ARL8B: variants seen among roughly 807,000 people sequenced by gnomAD.
The protein encoded by ARL8B is ADP-ribosylation factor-like protein 8B.
A neutral mutation model predicts 30.6 loss-of-function variants in ARL8B; 9 were observed. The observed-to-expected ratio is 0.29, with a 90% CI of 0.18 to 0.51. The LOEUF is 0.51. ARL8B is among the 20% of genes least tolerant of loss of function. The pLI is 0.97. For missense variants in ARL8B, 130 were observed against 227.2 expected (o/e 0.57, Z 2.75); for synonymous variants, 74 against 76.0 (o/e 0.97, Z 0.14).
At chr3:5,153,216 G>A (rs1307041033) in intron 1 of ARL8B, among the ~76,000 whole-genome samples, 1 of 152,132 alleles carries the variant, frequency 6.6e-6, no homozygotes, top group Non-Finnish European at 1.5e-5. Flanking sequence ...GTAATATACT[G>A]ATAGGACTTG....
chr3:5,170,219 C>T (rs911929726), intron 1 of ARL8B, among the ~76,000 whole-genome samples: 54 of 152,148 alleles, frequency 3.5e-4, no homozygotes, highest in African/African-American at 1.2e-3. Context: ...TAAAAATTTT[C>T]GTATGTATTT....
rs1169791602 is a variant in ARL8B at position 5,180,552 on chromosome 3, A to G, written c.*1839A>G. On this transcript the variant is annotated 3_prime_UTR_variant, in exon 7 of 7. Transcript: ENST00000256496. Reference sequence around the variant, plus strand: ...TAAACCTTAATGTGTTTGTGTGTCTATACATTGCTTTCCGCATTTCAAGAC... The same window carrying G: ...TAAACCTTAATGTGTTTGTGTGTCTGTACATTGCTTTCCGCATTTCAAGAC... 2 of 152,698 alleles carry G rather than the reference A, an allele frequency of 1.3e-5. No individual in the cohort carries two copies. Among genetic ancestry groups the G allele is most frequent in the Non-Finnish European group, 1.5e-5 (1 of 68,042 alleles). The allele number at this position is 152,698 out of a possible 1,614,324, so 9.5% of individuals were successfully genotyped here.
intron 1 of ARL8B, chr3:5,156,980 T>G (rs1490517597): frequency 6.6e-6 from 1 of 152,276 alleles, no homozygotes; most frequent in Non-Finnish European, 1.5e-5. Context: ...TTCAGTTGTT[T>G]TGGATACTTC....
chr3:5,130,179 T>TA (rs759802959), intron 1 of ARL8B, among the ~76,000 whole-genome samples: 8 of 140,196 alleles, frequency 5.7e-5, no homozygotes, highest in African/African-American at 9.0e-5. Context: ...CATATTCTCT[T>TA]AAAAAAAAAT....
intron 2 of ARL8B, 64 bp downstream of exon 2, chr3:5,170,647 T>G: frequency 8.0e-7 from 1 of 1,252,650 alleles, no homozygotes; most frequent in East Asian, 2.5e-5. Context: ...ATTTTTCTGT[T>G]AAATTTCTGT....
At chr3:5,126,928 C>T (rs536276273) in intron 1 of ARL8B, among the ~76,000 whole-genome samples, 1 of 152,062 alleles carries the variant, frequency 6.6e-6, no homozygotes, top group East Asian at 1.9e-4. Context: ...ATAGGATTTG[C>T]CAAAATAATA....
chr3:5,151,529 G>A (rs370623536), intron 1 of ARL8B, among the ~76,000 whole-genome samples: 22 of 152,216 alleles, frequency 1.4e-4, no homozygotes, highest in African/African-American at 5.1e-4. Flanking sequence ...TTCTCATTTA[G>A]TTCAACATGT....
intron 5 of ARL8B, 120 bp from the exon 6 acceptor site, chr3:5,174,224 T>G: frequency 1.9e-6 from 2 of 1,062,552 alleles, no homozygotes; most frequent in Non-Finnish European, 1.4e-6. Context: ...ATCCTAACAT[T>G]TTAGGATTGC....
intron 6 of ARL8B, 146 bp from the exon 7 acceptor site, chr3:5,178,518 G>A: frequency 3.2e-6 from 2 of 624,418 alleles, no homozygotes; most frequent in Non-Finnish European, 2.6e-6. Context: ...TGAAGTTCGG[G>A]TAATGGAGTA....
chr3:5,165,984 C>G lies in ARL8B; in HGVS notation c.124-4519C>G, dbSNP rs113845133. Among the ~76,000 whole-genome samples, 372 of 152,004 alleles carry G rather than the reference C, an allele frequency of 2.4e-3. 1 individual carries two copies. Among genetic ancestry groups the G allele is most frequent in the African/African-American group, 8.6e-3 (356 of 41,462 alleles). On this transcript the variant is annotated intron_variant, in intron 1 of 6. Coordinates refer to ENST00000256496, the MANE Select transcript of ARL8B (RefSeq NM_018184.3). ...CACAGTACATCTCTGGTATATTAACCTGTTTACAAAGAATAGTTGCACCCG... is the reference window on the plus strand; with the variant it reads ...CACAGTACATCTCTGGTATATTAACGTGTTTACAAAGAATAGTTGCACCCG...
intron 1 of ARL8B, among the ~76,000 whole-genome samples, chr3:5,133,939 G>C (rs143998908): frequency 1.8e-4 from 27 of 152,034 alleles, no homozygotes; most frequent in African/African-American, 6.0e-4. Context: ...GGTCTCCCCT[G>C]CACTGCACAG....
intron 1 of ARL8B, among the ~76,000 whole-genome samples, chr3:5,165,689 G>A (rs2054617892): frequency 6.6e-6 from 1 of 152,102 alleles, no homozygotes; most frequent in Non-Finnish European, 1.5e-5. Context: ...TGAGACATTT[G>A]TTAAAGTAGG....
At chr3:5,149,606 A>G (rs2054461423) in intron 1 of ARL8B, among the ~76,000 whole-genome samples, 2 of 152,088 alleles carry the variant, frequency 1.3e-5, no homozygotes, top group South Asian at 4.1e-4. Context: ...TCACCCTTAG[A>G]AGGTTATATC....
chr3:5,167,293 A>G (rs1374307109), intron 1 of ARL8B, among the ~76,000 whole-genome samples: 2 of 152,232 alleles, frequency 1.3e-5, no homozygotes, highest in Non-Finnish European at 2.9e-5. Context: ...GCATGAAAGC[A>G]TACAGTAGTC....
At chr3:5,171,960 C>G (rs563667672) in intron 2 of ARL8B, among the ~76,000 whole-genome samples, 190 bp from the exon 3 acceptor site, 1 of 152,300 alleles carries the variant, frequency 6.6e-6, no homozygotes, top group East Asian at 1.9e-4. Flanking sequence ...ATACGGACTT[C>G]AAGTTTAGAA....
intron 1 of ARL8B, among the ~76,000 whole-genome samples, chr3:5,136,768 T>G (rs1490856389): frequency 2.0e-5 from 3 of 150,804 alleles, no homozygotes; most frequent in Non-Finnish European, 4.4e-5. Flanking sequence ...ATGGAGAGAC[T>G]GAGACGCCCA....
chr3:5,136,426 C>T (rs915766924), intron 1 of ARL8B, among the ~76,000 whole-genome samples: 32 of 152,174 alleles, frequency 2.1e-4, no homozygotes, highest in African/African-American at 7.5e-4. Flanking sequence ...CATTTTTACA[C>T]ATCCTTTAGG....
At chr3:5,167,256 G>A (rs2054632385) in intron 1 of ARL8B, among the ~76,000 whole-genome samples, 1 of 152,164 alleles carries the variant, frequency 6.6e-6, no homozygotes, top group South Asian at 2.1e-4. Flanking sequence ...CGAGTGCCAC[G>A]TGTGATCATG....
At chr3:5,158,503 C>T (rs540070130) in intron 1 of ARL8B, among the ~76,000 whole-genome samples, 2 of 152,198 alleles carry the variant, frequency 1.3e-5, no homozygotes, top group African/African-American at 4.8e-5. Flanking sequence ...TGGTTATCTC[C>T]ATTTTATATT....
Sources: allele counts gnomAD v4.1 joint callset (sites outside exome capture counted in the v4.1 genomes callset), GRCh38; gene constraint gnomAD v4.1.1; transcripts MANE v1.5; gene names NCBI Gene and HGNC (gene_info 2026-07-23, HGNC 2026-07-21).